The following KANSL1 variants were observed in gnomAD, a reference collection of about 807,000 sequenced individuals.
The protein encoded by KANSL1 is MLL1/MLL complex subunit KANSL1.
KANSL1 carries 22 observed loss-of-function variants against 103.6 expected under a neutral mutation model. The ratio of observed to expected loss-of-function variants is 0.21; its 90% CI spans 0.15 to 0.30. KANSL1 has a LOEUF of 0.30. KANSL1 is among the 10% of genes least tolerant of loss of function. The pLI is 1.00. For missense variants in KANSL1, 1,337 were observed against 1,399.8 expected, an observed-to-expected ratio of 0.96 and a Z score of 0.72; for synonymous variants, 600 against 527.6, an observed-to-expected ratio of 1.14 and a Z score of -1.88.
chr17:46,038,353 CAGA>C (rs1207468289), intron 10 of KANSL1, 182 bp downstream of exon 10: 1 of 630,172 alleles, frequency 1.6e-6, no homozygotes, highest in Non-Finnish European at 2.7e-6. Flanking sequence ...AGAAAAACAA[CAGA>C]AGGTCAAGTA....
At chr17:46,057,598 G>A (rs947464516) in intron 6 of KANSL1, among the ~76,000 whole-genome samples, 1 of 152,036 alleles carries the variant, frequency 6.6e-6, no homozygotes, top group African/African-American at 2.4e-5. Context: ...GCATAAGGCG[G>A]CCACCTTGTG....
chr17:46,046,764 G>T (rs1453747005), intron 7 of KANSL1, among the ~76,000 whole-genome samples: 1 of 151,200 alleles, frequency 6.6e-6, no homozygotes, highest in African/African-American at 2.4e-5. Context: ...TTGAACTTGG[G>T]AGGCGGAGGT....
chr17:46,072,677 G>A (rs553066167), intron 4 of KANSL1, among the ~76,000 whole-genome samples: 1 of 152,112 alleles, frequency 6.6e-6, no homozygotes, highest in African/African-American at 2.4e-5. Context: ...GGAATGTTCT[G>A]AAAATTCCAT....
chr17:46,135,722 G>A lies in KANSL1; in HGVS notation c.1289+35133C>T, dbSNP rs939164846. 2.2e-4 allele frequency among the ~76,000 whole-genome samples: 9 copies of A among 41,420 alleles called. No homozygotes were observed. The Admixed American group carries it at 2.6e-3, about 12-fold the overall frequency. The allele number at this position is 41,420 out of a possible 152,430, so 27.2% of individuals were successfully genotyped here. On this transcript the variant is annotated intron_variant, in intron 2 of 14. Transcript: ENST00000432791. ...TTTTTTTTTTTTTTTTTTTTTTTTTGGTAGCGACAGGGGCCTGCTATGTTG... is the reference window on the plus strand; with the variant it reads ...TTTTTTTTTTTTTTTTTTTTTTTTTAGTAGCGACAGGGGCCTGCTATGTTG...
intron 6 of KANSL1, among the ~76,000 whole-genome samples, chr17:46,050,925 C>T (rs1415914848): frequency 6.6e-6 from 1 of 152,168 alleles, no homozygotes; most frequent in Non-Finnish European, 1.5e-5. Context: ...AGGAAACTTG[C>T]TTCCTTTTCA....
intron 7 of KANSL1, among the ~76,000 whole-genome samples, chr17:46,047,480 A>G (rs1430767234): frequency 3.3e-5 from 5 of 152,148 alleles, no homozygotes; most frequent in African/African-American, 7.2e-5. Flanking sequence ...GATATTTACC[A>G]TATGGCCCTT....
intron 2 of KANSL1, among the ~76,000 whole-genome samples, chr17:46,124,930 T>C (rs1008279539): frequency 6.7e-6 from 1 of 150,312 alleles, no homozygotes; most frequent in African/African-American, 2.5e-5. Context: ...AAAAAGTAAC[T>C]GCAGATGAGG....
chr17:46,168,275 A>G (rs2046105190), intron 2 of KANSL1, among the ~76,000 whole-genome samples: 1 of 152,266 alleles, frequency 6.6e-6, no homozygotes, highest in Non-Finnish European at 1.5e-5. Context: ...ACCAGCCTTA[A>G]GAGTCAACCC....
intron 2 of KANSL1, among the ~76,000 whole-genome samples, chr17:46,147,428 G>A (rs2044771100): frequency 6.6e-6 from 1 of 152,124 alleles, no homozygotes; most frequent in African/African-American, 2.4e-5. Flanking sequence ...ACAAAAATTA[G>A]CCAGATGTGG....
intron 2 of KANSL1, among the ~76,000 whole-genome samples, chr17:46,145,993 G>C (rs2044679087): frequency 6.6e-6 from 1 of 152,170 alleles, no homozygotes; most frequent in Non-Finnish European, 1.5e-5. Flanking sequence ...CCCCCTCAAA[G>C]TGCTGGGATT....
intron 6 of KANSL1, among the ~76,000 whole-genome samples, chr17:46,062,060 C>G (rs1002567753): frequency 7.2e-6 from 1 of 138,202 alleles, no homozygotes; most frequent in African/African-American, 2.7e-5. Flanking sequence ...CCATTGCACT[C>G]CAGCCTGGGT....
chr17:46,117,068 TGA>T (rs1303627945), intron 2 of KANSL1, among the ~76,000 whole-genome samples: 1 of 152,250 alleles, frequency 6.6e-6, no homozygotes, highest in Non-Finnish European at 1.5e-5. Flanking sequence ...CTTCTCCCAA[TGA>T]GAGGCAGATT....
intron 1 of KANSL1, among the ~76,000 whole-genome samples, chr17:46,202,816 TCTCA>T (rs2047847139): frequency 6.6e-6 from 1 of 152,240 alleles, no homozygotes; most frequent in South Asian, 2.1e-4. Flanking sequence ...TATTCCAAAT[TCTCA>T]CTATCACATT....
At chr17:46,096,311 C>CTTTTTTTTCTTTTTTTTTTTTTTTTTTT (rs2042069609) in intron 2 of KANSL1, among the ~76,000 whole-genome samples, 1 of 76,408 alleles carries the variant, frequency 1.3e-5, no homozygotes, top group African/African-American at 5.6e-5. Flanking sequence ...GCTTTTTTTT[C>CTTTTTTTTCTTTTTTTTTTTTTTTTTTT]TTTTTTTTTT....
chr17:46,150,008 C>T (rs1462396043), intron 2 of KANSL1, among the ~76,000 whole-genome samples: 2 of 145,172 alleles, frequency 1.4e-5, no homozygotes, highest in African/African-American at 2.6e-5. Flanking sequence ...GGCAACAGTG[C>T]GAGACTCCAT....
intron 2 of KANSL1, among the ~76,000 whole-genome samples, chr17:46,102,824 T>G (rs371144902): frequency 3.9e-5 from 6 of 152,202 alleles, no homozygotes; most frequent in African/African-American, 1.4e-4. Context: ...AGTTTACAAT[T>G]TAATGGGGCA....
Position 46,105,931 on chromosome 17 carries a change from ACACACACACACACACACCC to A in KANSL1, c.1290-11249_1290-11231del, listed in dbSNP as rs1567680650. Among the ~76,000 whole-genome samples the A allele has an allele frequency of 3.1e-3, 333 of 107,232 alleles. 2 individuals carry two copies. Among genetic ancestry groups the A allele is most frequent in the Non-Finnish European group, 4.9e-3 (243 of 49,346 alleles). The allele number at this position is 107,232 out of a possible 152,430, so 70.3% of individuals were successfully genotyped here. A position where few individuals can be genotyped will look rare whatever the true frequency, so the allele number is the denominator to read the frequency against. ...GACACACACACACACACACACACAC[ACACACACACACACACACCC>A]CCCCAGAAGGGTGAAGGAGCAGAAA... is the stretch of plus-strand genomic sequence containing the variant. On this transcript the variant is annotated intron_variant, in intron 2 of 14. Coordinates refer to ENST00000432791, the MANE Select transcript of KANSL1 (RefSeq NM_015443.4).
chr17:46,061,395 C>T (rs376475417), intron 6 of KANSL1, among the ~76,000 whole-genome samples: 1 of 152,026 alleles, frequency 6.6e-6, no homozygotes, highest in Non-Finnish European at 1.5e-5. Flanking sequence ...AAGTTATAAA[C>T]ACCTACTTCA....
At chr17:46,104,789 A>G (rs2147049514) in intron 2 of KANSL1, among the ~76,000 whole-genome samples, 1 of 152,318 alleles carries the variant, frequency 6.6e-6, no homozygotes, top group South Asian at 2.1e-4. Flanking sequence ...GAAGATTTTG[A>G]GCAAAATACT....
Sources: allele counts gnomAD v4.1 joint callset (sites outside exome capture counted in the v4.1 genomes callset), GRCh38; gene constraint gnomAD v4.1.1; transcripts MANE v1.5; gene names NCBI Gene and HGNC (gene_info 2026-07-23, HGNC 2026-07-21).